The following NAV3 variants were observed in gnomAD, a reference collection of about 807,000 sequenced individuals.
NAV3 encodes the protein pore membrane and/or filament interacting like protein 1.
Under a neutral mutation model 244.7 loss-of-function variants are expected in NAV3, and 87 were observed. The ratio of observed to expected loss-of-function variants is 0.36; its 90% CI spans 0.30 to 0.42. The LOEUF (loss-of-function observed/expected upper bound fraction) is 0.42, where lower values mean the gene tolerates loss of function less well. Among genes scored for constraint, NAV3 ranks in the 20% least tolerant of loss-of-function variants. NAV3 has a pLI of 1.00. For missense variants in NAV3, 2,663 were observed against 2,893.3 expected, an observed-to-expected ratio of 0.92 and a Z score of 1.83; for synonymous variants, 1,126 against 1,042.2, an observed-to-expected ratio of 1.08 and a Z score of -1.55.
intron 2 of NAV3, among the ~76,000 whole-genome samples, chr12:77,585,101 G>C (rs1248860598): frequency 1.3e-5 from 2 of 152,176 alleles, no homozygotes; most frequent in African/African-American, 4.8e-5. Context: ...GTGCTGGCAG[G>C]TGTTTCTGCA....
chr12:78,194,944 C>G (rs112099270), intron 34 of NAV3, among the ~76,000 whole-genome samples: 4 of 152,166 alleles, frequency 2.6e-5, no homozygotes, highest in African/African-American at 9.6e-5. Flanking sequence ...ATACTATAAA[C>G]AAAATCTTTG....
intron 2 of NAV3, among the ~76,000 whole-genome samples, chr12:77,703,966 C>A (rs1565779162): frequency 6.6e-6 from 1 of 152,272 alleles, no homozygotes; most frequent in East Asian, 1.9e-4. Flanking sequence ...CCGCATTTGA[C>A]TTCTCAATAT....
chr12:78,117,931 G>A (rs1955492586), intron 13 of NAV3, 96 bp from the exon 14 acceptor site: 2 of 1,192,512 alleles, frequency 1.7e-6, no homozygotes, highest in Non-Finnish European at 2.3e-6. Flanking sequence ...AGAATCTTTG[G>A]ATTTATCCAG....
At position 77,810,715 on chromosome 12, in the gene NAV3, A is replaced by G. The variant is rs539611061; in HGVS notation, c.73-129604A>G. On this transcript the variant is annotated intron_variant, in intron 2 of 8. Transcript: ENST00000550042. ...GATATTTTAGTTAAAATACTAGCAA[A>G]TGTATTCCTTATTAAGCCTCTTCAT... 2.0e-5 allele frequency among the ~76,000 whole-genome samples: 3 copies of G among 152,330 alleles called. No homozygotes were observed. The East Asian group carries it at 5.8e-4, about 29-fold the overall frequency.
chr12:78,021,978 T>C (rs931866538), intron 9 of NAV3, 116 bp downstream of exon 9: 3 of 478,936 alleles, frequency 6.3e-6, no homozygotes, highest in East Asian at 3.4e-5. Flanking sequence ...ATGGACTATA[T>C]ACATCTCATG....
At chr12:77,637,736 G>C (rs1458434541) in intron 2 of NAV3, among the ~76,000 whole-genome samples, 1 of 152,052 alleles carries the variant, frequency 6.6e-6, no homozygotes, top group African/African-American at 2.4e-5. Flanking sequence ...TCTTCTAAAT[G>C]CCTAATTTAA....
chr12:77,695,001 T>C (rs1208104752), intron 2 of NAV3, among the ~76,000 whole-genome samples: 1 of 152,194 alleles, frequency 6.6e-6, no homozygotes, highest in African/African-American at 2.4e-5. Context: ...CAACAATGGC[T>C]GGCATTCACT....
chr12:77,588,815 TTTTA>T (rs1329985257), intron 2 of NAV3, among the ~76,000 whole-genome samples: 3 of 152,316 alleles, frequency 2.0e-5, no homozygotes, highest in African/African-American at 4.8e-5. Flanking sequence ...GACAAAATAT[TTTTA>T]TTTGAGAGGA....
chr12:77,788,058 C>T (rs1479529306), intron 2 of NAV3, among the ~76,000 whole-genome samples: 3 of 152,126 alleles, frequency 2.0e-5, no homozygotes, highest in African/African-American at 7.2e-5. Flanking sequence ...GGTCTTGACT[C>T]CACAAGTTAT....
Position 78,078,375 on chromosome 12 carries a change from C to CTTTTTTT in NAV3, c.2636+19292_2636+19298dup, listed in dbSNP as rs71088356. Among the ~76,000 whole-genome samples the CTTTTTTT allele has an allele frequency of 2.8e-4, 19 of 67,808 alleles. 3 individuals carry two copies. Among genetic ancestry groups the CTTTTTTT allele is most frequent in the East Asian group, 8.5e-4 (2 of 2,344 alleles). 44.5% of individuals were successfully genotyped at this position (67,808 alleles called of 152,430 possible). A position where few individuals can be genotyped will look rare whatever the true frequency, so the allele number is the denominator to read the frequency against. ...AGAGTTGCATTTCACTCTTTCCACT[C>CTTTTTTT]TTTTTTTTTTTTTTTTTTTTTTTTT... On this transcript the variant is annotated intron_variant, in intron 12 of 39. Transcript: ENST00000397909.
At chr12:77,783,943 T>C (rs1565812726) in intron 2 of NAV3, among the ~76,000 whole-genome samples, 1 of 152,116 alleles carries the variant, frequency 6.6e-6, no homozygotes, top group African/African-American at 2.4e-5. Flanking sequence ...AAAATTATAG[T>C]GAGTAAAAGC....
At chr12:77,799,146 T>C (rs1054518890) in intron 2 of NAV3, among the ~76,000 whole-genome samples, 1 of 152,188 alleles carries the variant, frequency 6.6e-6, no homozygotes. Context: ...TCAGGCACCA[T>C]GAAGGTATCT....
intron 22 of NAV3, among the ~76,000 whole-genome samples, chr12:78,155,260 GAGA>G (rs1957258080): frequency 6.6e-6 from 1 of 152,048 alleles, no homozygotes; most frequent in South Asian, 2.1e-4. Context: ...ACTTATAAGT[GAGA>G]AGAAGTGGTG....
intron 12 of NAV3, among the ~76,000 whole-genome samples, chr12:78,095,926 A>G (rs1325472542): frequency 6.6e-6 from 1 of 152,192 alleles, no homozygotes; most frequent in Non-Finnish European, 1.5e-5. Context: ...GTATAAAGGC[A>G]CTTGCTACAT....
At chr12:77,976,865 G>C (rs1868536517) in intron 5 of NAV3, among the ~76,000 whole-genome samples, 1 of 151,592 alleles carries the variant, frequency 6.6e-6, no homozygotes, top group South Asian at 2.1e-4. Flanking sequence ...TTTTAGTAGA[G>C]ACAGGGTTTC....
chr12:78,141,096 T>A (rs538573168), intron 20 of NAV3, among the ~76,000 whole-genome samples: 1 of 152,158 alleles, frequency 6.6e-6, no homozygotes, highest in African/African-American at 2.4e-5. Flanking sequence ...ATTGCTATAT[T>A]GACCAGACTG....
At chr12:78,070,977 A>C (rs1028471072) in intron 12 of NAV3, among the ~76,000 whole-genome samples, 1 of 146,452 alleles carries the variant, frequency 6.8e-6, no homozygotes, top group African/African-American at 2.5e-5. Context: ...GTTGGTTCCA[A>C]GTCTTTGCTG....
intron 12 of NAV3, among the ~76,000 whole-genome samples, chr12:78,110,360 C>G (rs1245508956): frequency 1.3e-5 from 2 of 152,064 alleles, no homozygotes; most frequent in Non-Finnish European, 2.9e-5. Flanking sequence ...GACCATACTT[C>G]CCAAAGCAAT....
chr12:77,692,846 A>T (rs1875101103), intron 2 of NAV3, among the ~76,000 whole-genome samples: 2 of 152,204 alleles, frequency 1.3e-5, no homozygotes, highest in Admixed American at 1.3e-4. Flanking sequence ...CCCAGAAATT[A>T]TAACTACAAT....
Sources: allele counts gnomAD v4.1 joint callset (sites outside exome capture counted in the v4.1 genomes callset), GRCh38; gene constraint gnomAD v4.1.1; transcripts MANE v1.5; gene names NCBI Gene and HGNC (gene_info 2026-07-23, HGNC 2026-07-21).